Variants in MAN1C1 observed in about 807,000 individuals in gnomAD.
The protein encoded by MAN1C1 is mannosidase alpha class 1C member 1.
A neutral mutation model predicts 71.5 loss-of-function variants in MAN1C1; 49 were observed. The ratio of observed to expected loss-of-function variants is 0.69; its 90% CI spans 0.54 to 0.87. The LOEUF is 0.87. Ranked by LOEUF, MAN1C1 falls within the 40% of genes least tolerant of loss-of-function variation. The pLI, the probability that MAN1C1 is intolerant of heterozygous loss-of-function variation, is 0.00. For missense variants in MAN1C1, 743 were observed against 835.0 expected (o/e 0.89, Z 1.36); for synonymous variants, 352 against 343.7 (o/e 1.02, Z -0.27).
At chr1:25,742,529 C>T (rs2047076296) in intron 2 of MAN1C1, among the ~76,000 whole-genome samples, 1 of 152,200 alleles carries the variant, frequency 6.6e-6, no homozygotes, top group South Asian at 2.1e-4. Context: ...CACCCCAAGG[C>T]CTCACTGACC....
intron 6 of MAN1C1, chr1:25,761,275 T>G (rs1042901489): frequency 6.6e-6 from 1 of 152,202 alleles, no homozygotes; most frequent in African/African-American, 2.4e-5. Flanking sequence ...ATGGGGTTAT[T>G]CAGGAGCCCA....
chr1:25,684,091 G>T (rs1557764155), intron 1 of MAN1C1, among the ~76,000 whole-genome samples: 1 of 152,114 alleles, frequency 6.6e-6, no homozygotes, highest in Non-Finnish European at 1.5e-5. Context: ...TCTAGGTAGG[G>T]GGAATTTTCA....
Position 25,686,495 on chromosome 1 carries a change from T to C in MAN1C1, c.596T>C (p.Leu199Pro), listed in dbSNP as rs1231083938. ...CGTTATGCAATGGGGAAAAACGAAC[T>C]CCGTCCACTAACAAAAGATGGCTAC... Reference protein sequence around the residue: ...YKRYAMGKNELRPLTKDGYEG... With the variant: ...YKRYAMGKNEPRPLTKDGYEG... Residue 199 changes from leucine to proline, a missense_variant, in exon 2 of 12, where the codon CTC (leucine) becomes CCC (proline). By Grantham distance (98) the Leu-to-Pro change is moderately conservative. Coordinates refer to ENST00000374332, the MANE Select transcript of MAN1C1 (RefSeq NM_020379.4). 5 of 1,614,186 alleles carry C rather than the reference T, an allele frequency of 3.1e-6. No homozygotes were observed. The highest frequency in any genetic ancestry group is 4.2e-6 in the Non-Finnish European group (5 of 1,180,038).
chr1:25,637,013 G>C (rs2045471377), intron 1 of MAN1C1, among the ~76,000 whole-genome samples: 1 of 152,090 alleles, frequency 6.6e-6, no homozygotes, highest in African/African-American at 2.4e-5. Context: ...AAATTTGCCG[G>C]GCATGGTGGC....
intron 2 of MAN1C1, among the ~76,000 whole-genome samples, chr1:25,736,834 C>T (rs2046989507): frequency 6.6e-6 from 1 of 152,182 alleles, no homozygotes; most frequent in African/African-American, 2.4e-5. Flanking sequence ...GGCTCATTAT[C>T]CCATTTCACT....
intron 2 of MAN1C1, among the ~76,000 whole-genome samples, chr1:25,701,247 G>A (rs2046438533): frequency 6.6e-6 from 1 of 152,190 alleles, no homozygotes; most frequent in Non-Finnish European, 1.5e-5. Flanking sequence ...CAGGCACCAT[G>A]GGAAGGGTCC....
At chr1:25,647,848 CTT>C (rs2045637083) in intron 1 of MAN1C1, among the ~76,000 whole-genome samples, 1 of 152,028 alleles carries the variant, frequency 6.6e-6, no homozygotes. Flanking sequence ...CCCAGGCTCT[CTT>C]GGCTGCTGGC....
At chr1:25,694,789 C>T (rs2124199136) in intron 2 of MAN1C1, among the ~76,000 whole-genome samples, 1 of 152,292 alleles carries the variant, frequency 6.6e-6, no homozygotes, top group Admixed American at 6.5e-5. Flanking sequence ...CCAGCTGCTT[C>T]CCTAGTACGT....
In MAN1C1 at chr1:25,782,101, T is replaced by G. The variant is rs2047703833; in HGVS notation, c.1651-484T>G. ...CCTTGTCTCAAGAAAAAAAAATGCA[T>G]TTATATAGAAAGATGAATGGCTTGG... On this transcript the variant is annotated intron_variant, in intron 10 of 11. Transcript: ENST00000374332. This position sits in a 1 kb window ranked among gnomAD's most constrained non-coding sequence, Gnocchi z 4.4. 6.6e-6 allele frequency among the ~76,000 whole-genome samples: 1 copy of G among 151,322 alleles called. No homozygotes were observed. Among genetic ancestry groups the G allele is most frequent in the African/African-American group, 2.4e-5 (1 of 41,090 alleles).
At chr1:25,693,361 G>T (rs1209106789) in intron 2 of MAN1C1, among the ~76,000 whole-genome samples, 2 of 151,912 alleles carry the variant, frequency 1.3e-5, no homozygotes, top group African/African-American at 4.8e-5. Context: ...TGGGTCCAGT[G>T]GTCCATGTCT....
rs72875659 is a variant in MAN1C1, at chr1:25,725,950, G to C, written c.638-20718G>C. ...AGTGTGGCTGTGGCATGAAATGAAA[G>C]GTGAGGCTTTCATCTGAGTGAGCTG... On this transcript the variant is annotated intron_variant, in intron 2 of 11. Transcript: ENST00000374332. The surrounding 1 kb of genome is among the most constrained non-coding windows in gnomAD (Gnocchi z 4.8). Among the ~76,000 whole-genome samples the C allele has an allele frequency of 0.029, 4,402 of 152,316 alleles. 227 individuals are homozygous for C. Among genetic ancestry groups the C allele is most frequent in the African/African-American group, 0.1 (4,174 of 41,562 alleles).
In MAN1C1 at chr1:25,631,571, A is replaced by G. The variant is rs796804922; in HGVS notation, c.540+13234A>G. Among the ~76,000 whole-genome samples, 7 of 152,274 alleles carry G rather than the reference A, an allele frequency of 4.6e-5. No homozygotes were observed. Among genetic ancestry groups the G allele is most frequent in the African/African-American group, 1.7e-4 (7 of 41,546 alleles). The stretch of plus-strand genomic sequence containing the variant: ...TTTATTGACTTGTATATGTTAGACC[A>G]TCCCTGCATCCCTGCTATGAAACCC... On this transcript the variant is annotated intron_variant, in intron 1 of 11. Coordinates refer to ENST00000374332, the MANE Select transcript of MAN1C1 (RefSeq NM_020379.4). This position sits in a 1 kb window ranked among gnomAD's most constrained non-coding sequence, Gnocchi z 4.2.
rs1253395751 is a variant in MAN1C1, at chr1:25,730,479, G to A, written c.638-16189G>A. ...ATGACAAATACTAGGGGCTTTAATT[G>A]TTCAGTCACATGAGGGTGGTGCCTC... On this transcript the variant is annotated intron_variant, in intron 2 of 11. Transcript: ENST00000374332. The surrounding 1 kb of genome is among the most constrained non-coding windows in gnomAD (Gnocchi z 4.3). 6.6e-6 allele frequency among the ~76,000 whole-genome samples: 1 copy of A among 151,086 alleles called. No homozygotes were observed. Among genetic ancestry groups the A allele is most frequent in the Admixed American group, 6.6e-5 (1 of 15,160 alleles).
chr1:25,741,193 G>C (rs1404071698), intron 2 of MAN1C1, among the ~76,000 whole-genome samples: 1 of 152,012 alleles, frequency 6.6e-6, no homozygotes, highest in Non-Finnish European at 1.5e-5. Flanking sequence ...TGTTGGCCAG[G>C]CTGGTCTCAA....
intron 1 of MAN1C1, among the ~76,000 whole-genome samples, chr1:25,657,186 A>G (rs929530668): frequency 9.9e-5 from 15 of 152,188 alleles, no homozygotes; most frequent in African/African-American, 3.1e-4. Context: ...CAGCCTTCTA[A>G]GGAGAGCCTG....
chr1:25,673,126 G>C (rs1425559638), intron 1 of MAN1C1, among the ~76,000 whole-genome samples: 1 of 152,178 alleles, frequency 6.6e-6, no homozygotes, highest in East Asian at 1.9e-4. Flanking sequence ...GGGAGGAAAG[G>C]AGACTTGAGA....
chr1:25,710,877 C>T (rs2046604234), intron 2 of MAN1C1, among the ~76,000 whole-genome samples: 1 of 152,164 alleles, frequency 6.6e-6, no homozygotes, highest in Non-Finnish European at 1.5e-5. Context: ...TACTTGGACT[C>T]TTGCGTTGGC....
rs1456364688 is a variant in MAN1C1 at position 25,746,427 on chromosome 1, G to A, written c.638-241G>A. Among the ~76,000 whole-genome samples the A allele has an allele frequency of 6.6e-6, 1 of 152,226 alleles. No individual in the cohort carries two copies. Among genetic ancestry groups the A allele is most frequent in the Admixed American group, 6.5e-5 (1 of 15,290 alleles). ...CCGAGTCTGGGAAGTGGCTCAGCCT[G>A]GGCCCTCGGTCTCTCTGGCCGCTGT... On this transcript the variant is annotated intron_variant, in intron 2 of 11. Transcript: ENST00000374332. This position sits in a 1 kb window ranked among gnomAD's most constrained non-coding sequence, Gnocchi z 4.0.
At chr1:25,754,837 C>T (rs188157762) in intron 5 of MAN1C1, among the ~76,000 whole-genome samples, 170 of 152,288 alleles carry the variant, frequency 1.1e-3, no homozygotes, top group African/African-American at 3.8e-3. Context: ...TAAGGAAGCG[C>T]GTTTGCTTTT....
Sources: gnomAD v4.1 joint callset for allele counts (sites outside exome capture counted in the v4.1 genomes callset) on GRCh38, gnomAD v4.1.1 for gene constraint, Gnocchi (gnomAD v3.1) non-coding constraint, MANE v1.5 for transcripts, NCBI Gene and HGNC (gene_info 2026-07-23, HGNC 2026-07-21) for gene names.